Variants in MEF2B observed in about 807,000 individuals in gnomAD.
MEF2B encodes myocyte enhancer factor 2B, also known as myocyte-specific enhancer factor 2B.
MEF2B carries 15 observed loss-of-function variants against 32.2 expected under a neutral mutation model. The ratio of observed to expected loss-of-function variants is 0.47; its 90% CI spans 0.31 to 0.72. The LOEUF (loss-of-function observed/expected upper bound fraction) is 0.72, where lower values mean the gene tolerates loss of function less well. MEF2B is among the 30% of genes least tolerant of loss of function. MEF2B has a pLI of 0.05. For synonymous variants in MEF2B, 205 were observed against 225.6 expected (o/e 0.91, Z 0.82); for missense variants, 441 against 511.5 (o/e 0.86, Z 1.33).
chr19:19,159,800 G>A (rs567082538), intron 1 of MEF2B, among the ~76,000 whole-genome samples: 1 of 152,034 alleles, frequency 6.6e-6, no homozygotes, highest in African/African-American at 2.4e-5. Context: ...AGGCCCCTTA[G>A]CCCCCCAGTA....
intron 1 of MEF2B, among the ~76,000 whole-genome samples, chr19:19,157,952 A>C (rs1124855): frequency 0.15 from 22,635 of 152,238 alleles, 1,922 homozygotes; most frequent in East Asian, 0.34. Context: ...CCAAGGGGGA[A>C]GTCCCAGGGG....
At chr19:19,151,024 A>G (rs7253645) in intron 1 of MEF2B, among the ~76,000 whole-genome samples, 84,435 of 152,112 alleles carry the variant, frequency 0.56, 24,213 homozygotes, top group East Asian at 0.75. Context: ...AGGCCAAGGC[A>G]GGAGGATCAC....
At chr19:19,165,964 C>T (rs1474977355) in intron 1 of MEF2B, among the ~76,000 whole-genome samples, 3 of 152,300 alleles carry the variant, frequency 2.0e-5, no homozygotes, top group Non-Finnish European at 2.9e-5. Flanking sequence ...CAAACACCTC[C>T]ACTTGGTCAC....
intron 1 of MEF2B, among the ~76,000 whole-genome samples, chr19:19,167,042 A>AT (rs1051871436): frequency 3.4e-4 from 51 of 149,286 alleles, no homozygotes; most frequent in Admixed American, 3.3e-4. Flanking sequence ...CATATTTATA[A>AT]TTTTTTTTTT....
At position 19,146,814 on chromosome 19, in the gene MEF2B, G is replaced by C. The variant is rs1217388052; in HGVS notation, c.603C>G (p.Tyr201Ter). The C allele has an allele frequency of 6.2e-7, 1 of 1,613,848 alleles. No homozygotes were observed. The highest frequency in any genetic ancestry group is 8.5e-7 in the Non-Finnish European group (1 of 1,179,928). The change falls in exon 6 of 9, where the codon TAC (tyrosine) becomes TAG (stop). Residue 201 changes from tyrosine (Y) to a stop codon, truncating the protein, a stop_gained. Transcript: ENST00000424583. LOFTEE classifies it high-confidence loss of function. Reference protein sequence around the residue: ...HLTSKTPPPLYLPTEGRRSDL... With the variant: ...HLTSKTPPPL The stretch of plus-strand genomic sequence containing the variant: ...CTGACCTCCGCCCTTCCGTCGGCAG[G>C]TACAGTGGGGGTGGTGTCTTGCTGG...
At chr19:19,162,236 A>G (rs1311639310) in intron 1 of MEF2B, among the ~76,000 whole-genome samples, 1 of 152,162 alleles carries the variant, frequency 6.6e-6, no homozygotes, top group South Asian at 2.1e-4. Context: ...CTCCCACCTC[A>G]GATTTCCCAG....
At chr19:19,158,611 T>G (rs530734982) in intron 1 of MEF2B, among the ~76,000 whole-genome samples, 329 of 139,052 alleles carry the variant, frequency 2.4e-3, no homozygotes, top group African/African-American at 8.5e-3. Context: ...AAAAAAAAAA[T>G]TAGCTAAGTG....
At chr19:19,160,723 A>G (rs1001918664) in intron 1 of MEF2B, among the ~76,000 whole-genome samples, 2 of 152,082 alleles carry the variant, frequency 1.3e-5, no homozygotes, top group African/African-American at 2.4e-5. Context: ...GCCCCGCCTC[A>G]CGCAACCCAG....
intron 7 of MEF2B, 74 bp downstream of exon 7, chr19:19,146,481 G>A (rs2060026969): frequency 7.1e-7 from 1 of 1,402,638 alleles, no homozygotes; most frequent in Non-Finnish European, 9.5e-7. Flanking sequence ...CTGGTGGGTG[G>A]GAGGGTGTGG....
chr19:19,162,447 G>A (rs1186806534), intron 1 of MEF2B, among the ~76,000 whole-genome samples: 1 of 152,184 alleles, frequency 6.6e-6, no homozygotes, highest in East Asian at 1.9e-4. Context: ...GCCTTCCCAA[G>A]GCCGGGTGCT....
chr19:19,164,513 G>T (rs1368535810), intron 1 of MEF2B, among the ~76,000 whole-genome samples: 1 of 152,206 alleles, frequency 6.6e-6, no homozygotes, highest in African/African-American at 2.4e-5. Flanking sequence ...ACCCTCACCT[G>T]CCAAGAAGGC....
intron 3 of MEF2B, among the ~76,000 whole-genome samples, chr19:19,148,511 C>T (rs1234607603): frequency 1.3e-5 from 2 of 152,028 alleles, no homozygotes; most frequent in African/African-American, 4.8e-5. Context: ...ATTTCCTGAG[C>T]TGCCTTCTCC....
rs574283923 is a variant in MEF2B, at chr19:19,150,345, T to C, written c.54+337A>G. Among the ~76,000 whole-genome samples, 320 of 151,782 alleles carry C rather than the reference T, an allele frequency of 2.1e-3. 2 individuals carry two copies. Among genetic ancestry groups the C allele is most frequent in the African/African-American group, 7.3e-3 (302 of 41,374 alleles). On this transcript the variant is annotated intron_variant, in intron 2 of 8. Coordinates refer to ENST00000424583, the MANE Select transcript of MEF2B (RefSeq NM_001145785.2). ...GAGTTCGAGACTAGCCTGGCCCACA[T>C]GGTGAAACCCCGTCTCTACTAAAAC...
At chr19:19,146,969 G>A (rs2146351505) in intron 5 of MEF2B, 67 bp downstream of exon 5, 11 of 1,563,416 alleles carry the variant, frequency 7.0e-6, no homozygotes, top group Non-Finnish European at 9.5e-6. Context: ...GCCTGGCAAT[G>A]CCAGAGCCAA....
At chr19:19,160,037 C>T (rs1039041617) in intron 1 of MEF2B, among the ~76,000 whole-genome samples, 6 of 149,392 alleles carry the variant, frequency 4.0e-5, no homozygotes, top group Admixed American at 6.7e-5. Flanking sequence ...GGCGTGATCT[C>T]GGCTCCCTGC....
Position 19,146,597 on chromosome 19 carries a change from G to T in MEF2B, c.727C>A (p.Pro243Thr), listed in dbSNP as rs1391192818. The change falls in exon 7 of 9, where the codon CCC becomes ACC. Residue 243 changes from proline to threonine, a missense_variant. Pro to Thr is a conservative substitution (Grantham distance 38). Coordinates refer to ENST00000424583, the MANE Select transcript of MEF2B (RefSeq NM_001145785.2). Reference sequence around the variant, plus strand: ...AGGAAGGGGAAGCTCCCCAGTGGGGGTCCGGGAGTTGCAGTGGAGCAGGGG... The same window carrying T: ...AGGAAGGGGAAGCTCCCCAGTGGGGTTCCGGGAGTTGCAGTGGAGCAGGGG... ...QNPCSTATPG[P>T]PLGSFPFLPG... 3 of 1,605,684 alleles carry T rather than the reference G, an allele frequency of 1.9e-6. No homozygotes were observed. Among genetic ancestry groups the T allele is most frequent in the African/African-American group, 2.7e-5 (2 of 74,724 alleles).
At position 19,147,839 on chromosome 19, in the gene MEF2B, G is replaced by C; in HGVS notation, c.259-7C>G. ...TGCCCCTCCGCTTCAGCGTCTATGGGGACAGGAGACAACAGGGTAGACCCT... is the reference window on the plus strand; with the variant it reads ...TGCCCCTCCGCTTCAGCGTCTATGGCGACAGGAGACAACAGGGTAGACCCT... On this transcript the variant is annotated splice_polypyrimidine_tract_variant and splice_region_variant and intron_variant, in intron 3 of 8. Coordinates refer to ENST00000424583, the MANE Select transcript of MEF2B (RefSeq NM_001145785.2). 6.2e-7 allele frequency: 1 copy of C among 1,612,456 alleles called. No homozygotes were observed. The highest frequency in any genetic ancestry group is 8.5e-7 in the Non-Finnish European group (1 of 1,179,680).
At chr19:19,154,589 G>A (rs1192021916) in intron 1 of MEF2B, among the ~76,000 whole-genome samples, 2 of 152,120 alleles carry the variant, frequency 1.3e-5, no homozygotes, top group African/African-American at 4.8e-5. Flanking sequence ...GATTACAGGT[G>A]TGCACCACCA....
At chr19:19,150,114 T>G (rs570813896) in intron 2 of MEF2B, among the ~76,000 whole-genome samples, 902 of 51,098 alleles carry the variant, frequency 0.018, no homozygotes, top group Middle Eastern at 0.067. Flanking sequence ...AAAGGAAGGA[T>G]GGAAGGAGGG....
Sources: allele counts gnomAD v4.1 joint callset (sites outside exome capture counted in the v4.1 genomes callset), GRCh38; gene constraint gnomAD v4.1.1; transcripts MANE v1.5; gene names NCBI Gene and HGNC (gene_info 2026-07-23, HGNC 2026-07-21).